NAA38: variants seen among roughly 807,000 people sequenced by gnomAD.
NAA38 encodes the protein N-alpha-acetyltransferase 38, NatC auxiliary subunit.
A neutral mutation model predicts 12.6 loss-of-function variants in NAA38; 15 were observed. The ratio of observed to expected loss-of-function variants is 1.19; its 90% CI spans 0.79 to 1.83. The LOEUF (loss-of-function observed/expected upper bound fraction) is 1.83, where lower values mean the gene tolerates loss of function less well. Among genes scored for constraint, NAA38 ranks in the 40% most tolerant of loss-of-function variants. The pLI is 0.00. For missense variants in NAA38, 183 were observed against 171.7 expected (o/e 1.07, Z -0.37); for synonymous variants, 88 against 69.9 (o/e 1.26, Z -1.29).
At chr17:7,857,918 G>A, upstream of NAA38, 2 of 1,421,536 alleles carry the variant, frequency 1.4e-6, no homozygotes, top group Non-Finnish European at 1.8e-6. Flanking sequence ...CCCCACGCGG[G>A]ACTCATACTA....
At chr17:7,871,595 G>A (rs761343366) in intron 2 of NAA38, among the ~76,000 whole-genome samples, 24 of 151,990 alleles carry the variant, frequency 1.6e-4, no homozygotes, top group African/African-American at 4.4e-4. Context: ...GCCAGTACCC[G>A]ACCCCAGCAG....
At chr17:7,883,116 T>C (rs1041928574) in intron 2 of NAA38, 1 of 152,244 alleles carries the variant, frequency 6.6e-6, no homozygotes, top group African/African-American at 2.4e-5. Flanking sequence ...ATGAGAAAGC[T>C]ACTTTGGGAC....
At chr17:7,873,401 G>A (rs979808848) in intron 2 of NAA38, among the ~76,000 whole-genome samples, 2 of 152,194 alleles carry the variant, frequency 1.3e-5, no homozygotes, top group Non-Finnish European at 2.9e-5. Context: ...GAGGTTGTTG[G>A]TAATTTGGTG....
chr17:7,866,932 A>T (rs1373182265), intron 2 of NAA38, among the ~76,000 whole-genome samples: 1 of 152,216 alleles, frequency 6.6e-6, no homozygotes, highest in African/African-American at 2.4e-5. Context: ...TGAATGCTAC[A>T]AAAGAGCTAA....
intron 1 of NAA38, among the ~76,000 whole-genome samples, chr17:7,884,586 T>C (rs1967451921): frequency 7.6e-6 from 1 of 131,992 alleles, no homozygotes; most frequent in Admixed American, 7.5e-5. Context: ...TGGGGGTGGT[T>C]TGGCCCCCCT....
upstream of NAA38, chr17:7,858,575 T>C (rs775665772): frequency 1.2e-6 from 2 of 1,609,814 alleles, no homozygotes; most frequent in South Asian, 2.2e-5. Flanking sequence ...ATGGCTGCTC[T>C]GACACCCTCG....
At chr17:7,871,680 GGA>G (rs1967088426) in intron 2 of NAA38, among the ~76,000 whole-genome samples, 1 of 152,084 alleles carries the variant, frequency 6.6e-6, no homozygotes, top group Non-Finnish European at 1.5e-5. Context: ...TCTTTGAGGT[GGA>G]GTCACTCTGT....
At chr17:7,880,828 G>A (rs1291021227) in intron 2 of NAA38, among the ~76,000 whole-genome samples, 2 of 152,174 alleles carry the variant, frequency 1.3e-5, no homozygotes, top group African/African-American at 4.8e-5. Context: ...ATGCAGAGTA[G>A]ACTACATTTG....
At chr17:7,883,844 A>C (rs1373588016) in intron 1 of NAA38, among the ~76,000 whole-genome samples, 1 of 152,140 alleles carries the variant, frequency 6.6e-6, no homozygotes, top group Non-Finnish European at 1.5e-5. Context: ...AAAAAAAAAA[A>C]AGCTTTTCTT....
At chr17:7,857,737 G>T, upstream of NAA38, 1 of 1,284,312 alleles carries the variant, frequency 7.8e-7, no homozygotes, top group South Asian at 2.4e-5. Context: ...AATTTAGCGA[G>T]AATACATTCT....
chr17:7,884,870 G>A (rs1234620857), intron 1 of NAA38: 2 of 1,282,220 alleles, frequency 1.6e-6, no homozygotes. Context: ...GGAGGAGGAA[G>A]AAGAGGAGGA....
chr17:7,867,158 T>C (rs907687791), intron 2 of NAA38, among the ~76,000 whole-genome samples: 3 of 151,986 alleles, frequency 2.0e-5, no homozygotes, highest in African/African-American at 2.4e-5. Context: ...GAAGGAACTG[T>C]AGCATGGTAA....
Position 7,857,530 on chromosome 17 carries a change from C to T in NAA38, c.-67G>A. On this transcript the variant is annotated 5_prime_UTR_variant, in exon 1 of 3. Transcript: ENST00000575771. ...CCTTTCAGGTTGGGTGGTCCGAGAT[C>T]TCGCGAGCGCTCCCGACCTCTTTCC... 9 of 1,466,046 alleles carry T rather than the reference C, an allele frequency of 6.1e-6. No individual in the cohort carries two copies. The highest frequency in any genetic ancestry group is 8.1e-6 in the Non-Finnish European group (9 of 1,112,076). 90.8% of individuals were successfully genotyped at this position (1,466,046 alleles called of 1,614,324 possible). A position where few individuals can be genotyped will look rare whatever the true frequency, so the allele number is the denominator to read the frequency against.
chr17:7,856,776 G>A lies in NAA38; in HGVS notation c.333C>T (p.Ser111=). The change falls in exon 3 of 3, where the codon TCC becomes TCT. Residue 111 remains serine, a synonymous_variant. Coordinates refer to ENST00000575771, the MANE Select transcript of NAA38 (RefSeq NM_001320925.4). The part of the protein sequence containing the change: ...LAMVPGHHIV[S]IEVQRESLTG... ...TCAGACTCTCCCTCTGCACCTCAAT[G>A]GAAACGATGTGGTGTCCGGGTACCA... is the stretch of plus-strand genomic sequence containing the variant. The A allele has an allele frequency of 6.2e-7, 1 of 1,614,030 alleles. No individual in the cohort carries two copies. Among genetic ancestry groups the A allele is most frequent in the East Asian group, 2.2e-5 (1 of 44,866 alleles).
intron 2 of NAA38, among the ~76,000 whole-genome samples, chr17:7,882,285 A>G (rs1242348202): frequency 6.6e-6 from 1 of 152,218 alleles, no homozygotes; most frequent in African/African-American, 2.4e-5. Flanking sequence ...AGTGTGGCCC[A>G]CATACACGTG....
chr17:7,881,362 CGA>C (rs1051708869), intron 2 of NAA38, among the ~76,000 whole-genome samples: 165 of 151,846 alleles, frequency 1.1e-3, no homozygotes, highest in African/African-American at 3.6e-3. Flanking sequence ...AGGAAGGCAG[CGA>C]GAGACTGGGA....
At chr17:7,858,029 G>C (rs1012904746), upstream of NAA38, 1 of 1,537,800 alleles carries the variant, frequency 6.5e-7, no homozygotes, top group South Asian at 1.2e-5. Context: ...GCGGATAAAC[G>C]CTCTCCCCTC....
intron 2 of NAA38, among the ~76,000 whole-genome samples, chr17:7,872,073 T>C (rs1967095556): frequency 6.6e-6 from 1 of 152,244 alleles, no homozygotes; most frequent in Non-Finnish European, 1.5e-5. Context: ...TAGTTTCTGT[T>C]ATCTCTGAGC....
Position 7,857,443 on chromosome 17 carries a change from G to A in NAA38, c.21C>T (p.Thr7=). 1 of 1,576,674 alleles carries A rather than the reference G, an allele frequency of 6.3e-7. No individual in the cohort carries two copies. The highest frequency in any genetic ancestry group is 8.6e-7 in the Non-Finnish European group (1 of 1,162,526). The change falls in exon 1 of 3, where the codon ACC becomes ACT. Residue 7 remains threonine, a synonymous_variant. Transcript: ENST00000575771. MAGAGP[T]MLLREENGCC... is the part of the protein sequence containing the mutation. The stretch of plus-strand genomic sequence containing the variant: ...AGCCATTCTCTTCTCGTAGCAGCAT[G>A]GTCGGTCCAGCTCCGGCCATTTGCC...
Sources: allele counts gnomAD v4.1 joint callset (sites outside exome capture counted in the v4.1 genomes callset), GRCh38; gene constraint gnomAD v4.1.1; transcripts MANE v1.5; gene names NCBI Gene and HGNC (gene_info 2026-07-23, HGNC 2026-07-21).